The following SDK1 variants were observed in gnomAD, a reference collection of about 807,000 sequenced individuals.
SDK1 encodes the protein protein sidekick-1.
A neutral mutation model predicts 245.5 loss-of-function variants in SDK1; 157 were observed. The observed-to-expected ratio is 0.64, with a 90% CI of 0.56 to 0.73. The LOEUF is 0.73. Ranked by LOEUF, SDK1 falls within the 30% of genes least tolerant of loss-of-function variation. SDK1 has a pLI of 0.00. For missense variants in SDK1, 3,583 were observed against 3,002.3 expected, an observed-to-expected ratio of 1.19 and a Z score of -4.52; for synonymous variants, 1,647 against 1,278.5, an observed-to-expected ratio of 1.29 and a Z score of -6.15.
intron 5 of SDK1, among the ~76,000 whole-genome samples, chr7:3,825,825 G>C (rs1400358578): frequency 6.6e-6 from 1 of 152,184 alleles, no homozygotes; most frequent in African/African-American, 2.4e-5. Flanking sequence ...TAAAGGGAGA[G>C]AGGGGAACAG....
intron 36 of SDK1, among the ~76,000 whole-genome samples, 184 bp downstream of exon 36, chr7:4,206,178 A>AG: frequency 6.6e-6 from 1 of 152,214 alleles, no homozygotes; most frequent in East Asian, 1.9e-4. Context: ...TGTGGGTGGG[A>AG]GGCAGCACAG....
At chr7:3,858,440 A>C (rs1313969936) in intron 5 of SDK1, among the ~76,000 whole-genome samples, 2 of 151,576 alleles carry the variant, frequency 1.3e-5, no homozygotes, top group African/African-American at 4.9e-5. Flanking sequence ...ACATGTATAT[A>C]CATCTAAGTG....
At chr7:4,090,153 C>G (rs541623889) in intron 22 of SDK1, among the ~76,000 whole-genome samples, 12 of 152,300 alleles carry the variant, frequency 7.9e-5, no homozygotes, top group African/African-American at 2.9e-4. Flanking sequence ...ATTTTGCTAA[C>G]TTGACTGAGA....
At chr7:4,101,118 T>A (rs1214560254) in intron 22 of SDK1, among the ~76,000 whole-genome samples, 1 of 151,972 alleles carries the variant, frequency 6.6e-6, no homozygotes, top group Non-Finnish European at 1.5e-5. Flanking sequence ...ACCCTTTGGT[T>A]TGTTTGTTTT....
chr7:3,646,819 T>C (rs1038378700), intron 4 of SDK1, among the ~76,000 whole-genome samples: 1 of 152,206 alleles, frequency 6.6e-6, no homozygotes, highest in Admixed American at 6.5e-5. Context: ...TCTACAATTA[T>C]CTCAGATACT....
At chr7:3,566,548 G>A (rs1192978452) in intron 1 of SDK1, among the ~76,000 whole-genome samples, 3 of 152,018 alleles carry the variant, frequency 2.0e-5, no homozygotes, top group South Asian at 2.1e-4. Flanking sequence ...AAAACATAAA[G>A]CAGTAGAGGA....
chr7:4,145,452 C>A (rs1293594332), intron 28 of SDK1, among the ~76,000 whole-genome samples: 1 of 152,100 alleles, frequency 6.6e-6, no homozygotes, highest in Non-Finnish European at 1.5e-5. Flanking sequence ...ATGCTCGCCT[C>A]GTGCCCGCAT....
intron 22 of SDK1, among the ~76,000 whole-genome samples, chr7:4,098,625 A>G (rs530524758): frequency 5.3e-5 from 8 of 151,760 alleles, no homozygotes; most frequent in Admixed American, 3.9e-4. Flanking sequence ...AATTTTCAGG[A>G]GGAGGGATGT....
rs112773481 is a variant in SDK1, at chr7:3,879,810, G to C, written c.847+58227G>C. On this transcript the variant is annotated intron_variant, in intron 5 of 44. Coordinates refer to ENST00000404826, the MANE Select transcript of SDK1 (RefSeq NM_152744.4). ...GTAGTGGAACAGTGCTCTGATTAAAGTGATTAAAACTATATACAGCATGCA... is the reference window on the plus strand; with the variant it reads ...GTAGTGGAACAGTGCTCTGATTAAACTGATTAAAACTATATACAGCATGCA... Among the ~76,000 whole-genome samples, 44 of 152,300 alleles carry C rather than the reference G, an allele frequency of 2.9e-4. 3 individuals are homozygous for C. Among genetic ancestry groups the C allele is most frequent in the African/African-American group, 9.4e-4 (39 of 41,560 alleles).
intron 4 of SDK1, among the ~76,000 whole-genome samples, chr7:3,791,947 G>T (rs916679495): frequency 6.6e-6 from 1 of 151,886 alleles, no homozygotes; most frequent in East Asian, 1.9e-4. Flanking sequence ...AACACAGGGA[G>T]AGTTTGTCTT....
chr7:3,593,537 T>G (rs1780955549), intron 1 of SDK1, among the ~76,000 whole-genome samples: 1 of 152,226 alleles, frequency 6.6e-6, no homozygotes, highest in Non-Finnish European at 1.5e-5. Context: ...CTCAAGATGT[T>G]TGTCTTTCCT....
In SDK1 at chr7:4,268,420, C is replaced by A; in HGVS notation, c.*3036C>A. 1 of 1,120,504 alleles carries A rather than the reference C, an allele frequency of 8.9e-7. No individual in the cohort carries two copies. Among genetic ancestry groups the A allele is most frequent in the South Asian group, 2.0e-5 (1 of 50,150 alleles). 69.4% of individuals were successfully genotyped at this position (1,120,504 alleles called of 1,614,324 possible). ...TCCAGCCCAAGCCCCTCTCCCCAGC[C>A]TCGCCTTCAGCCTCTCTCCCAGCCT... On this transcript the variant is annotated 3_prime_UTR_variant, in exon 45 of 45. Coordinates refer to ENST00000404826, the MANE Select transcript of SDK1 (RefSeq NM_152744.4).
Position 4,235,573 on chromosome 7 carries a change from A to C in SDK1, c.5993-2074A>C, listed in dbSNP as rs142224504. Among the ~76,000 whole-genome samples, 403 of 152,210 alleles carry C rather than the reference A, an allele frequency of 2.6e-3. 3 individuals carry two copies. Among genetic ancestry groups the C allele is most frequent in the Non-Finnish European group, 4.0e-3 (269 of 68,006 alleles). ...TACCCCAAAGTATAGAGAATGAGGAACCCTCAGCACCCCTCATCCTAATTC... is the reference window on the plus strand; with the variant it reads ...TACCCCAAAGTATAGAGAATGAGGACCCCTCAGCACCCCTCATCCTAATTC... On this transcript the variant is annotated intron_variant, in intron 41 of 44. Transcript: ENST00000404826.
intron 1 of SDK1, among the ~76,000 whole-genome samples, chr7:3,485,708 G>A (rs1166770532): frequency 4.9e-5 from 1 of 20,478 alleles, no homozygotes; most frequent in Non-Finnish European, 9.5e-5. Context: ...TTTTTTTTGA[G>A]CCATCTTGCT....
chr7:4,019,070 A>C (rs1487360284), intron 17 of SDK1, among the ~76,000 whole-genome samples: 2 of 152,140 alleles, frequency 1.3e-5, no homozygotes, highest in African/African-American at 4.8e-5. Flanking sequence ...AGCACCTCCC[A>C]GTGCCTTCTG....
intron 4 of SDK1, among the ~76,000 whole-genome samples, chr7:3,779,333 G>C (rs1780655596): frequency 6.6e-6 from 1 of 152,120 alleles, no homozygotes. Context: ...ATAAGAGCAA[G>C]GCAGCTCCGT....
intron 22 of SDK1, among the ~76,000 whole-genome samples, chr7:4,107,718 C>T (rs991055124): frequency 6.6e-6 from 1 of 152,124 alleles, no homozygotes; most frequent in Non-Finnish European, 1.5e-5. Context: ...AGTATCTGGT[C>T]CCAGCCCGCC....
chr7:3,468,914 G>C (rs753634560), intron 1 of SDK1, among the ~76,000 whole-genome samples: 6 of 152,088 alleles, frequency 3.9e-5, no homozygotes, highest in Non-Finnish European at 7.4e-5. Flanking sequence ...AGAGGGTGAA[G>C]GGGGTAGGTT....
At chr7:3,944,742 A>G (rs1458087195) in intron 5 of SDK1, among the ~76,000 whole-genome samples, 1 of 152,198 alleles carries the variant, frequency 6.6e-6, no homozygotes, top group Non-Finnish European at 1.5e-5. Context: ...AAAAGCAGTA[A>G]AAGAGGAAGA....
Sources: gnomAD v4.1 joint callset for allele counts (sites outside exome capture counted in the v4.1 genomes callset) on GRCh38, gnomAD v4.1.1 for gene constraint, MANE v1.5 for transcripts, NCBI Gene and HGNC (gene_info 2026-07-23, HGNC 2026-07-21) for gene names.